PCDHGB4: variants seen among roughly 807,000 people sequenced by gnomAD.
PCDHGB4 encodes the protein protocadherin gamma subfamily B, 4.
In PCDHGB4, 38 loss-of-function variants were observed where a neutral mutation model predicts 60.5. That is an observed-to-expected ratio of 0.63 (90% CI 0.48 to 0.82). PCDHGB4 has a LOEUF of 0.82. Ranked by LOEUF, PCDHGB4 falls within the 40% of genes least tolerant of loss-of-function variation. PCDHGB4 has a pLI of 0.00. For synonymous variants in PCDHGB4, 456 were observed against 509.7 expected (o/e 0.89, Z 1.42); for missense variants, 1,109 against 1,209.6 (o/e 0.92, Z 1.23).
intron 1 of PCDHGB4, chr5:141,427,685 C>T: frequency 1.2e-6 from 1 of 852,116 alleles, no homozygotes; most frequent in Non-Finnish European, 1.9e-6. Context: ...TTCCCGGAGC[C>T]TCCATCCCAC....
At position 141,414,416 on chromosome 5, in the gene PCDHGB4, T is replaced by C. The variant is rs550804810; in HGVS notation, c.2397+24135T>C. The C allele has an allele frequency of 2.2e-5, 35 of 1,613,902 alleles. No homozygotes were observed. In the South Asian group the frequency reaches 3.5e-4, roughly 16 times the overall value. On this transcript the variant is annotated intron_variant, in intron 1 of 3. Coordinates refer to ENST00000519479, the MANE Select transcript of PCDHGB4 (RefSeq NM_003736.4). ...TACAGATTGGTGATACACAGAGCCCTTGACAGGGAACAGGTATCCTCTTAC... is the reference window on the plus strand; with the variant it reads ...TACAGATTGGTGATACACAGAGCCCCTGACAGGGAACAGGTATCCTCTTAC...
At chr5:141,448,999 G>GT (rs910018882) in intron 1 of PCDHGB4, among the ~76,000 whole-genome samples, 19 of 151,698 alleles carry the variant, frequency 1.3e-4, no homozygotes, top group South Asian at 2.1e-4. Flanking sequence ...ATAGAAAGCT[G>GT]TTTTTTTTAA....
In PCDHGB4 at chr5:141,489,261, A is replaced by C; in HGVS notation, c.2398-5546A>C. 6.4e-7 allele frequency: 1 copy of C among 1,551,956 alleles called. No individual in the cohort carries two copies. Among genetic ancestry groups the C allele is most frequent in the East Asian group, 2.2e-5 (1 of 44,450 alleles). Reference sequence around the variant, plus strand: ...GGGTCATGGGGCCCAAGACACTCCCACAGCTCGCTGGGAAATGGCAAGTGC... The same window carrying C: ...GGGTCATGGGGCCCAAGACACTCCCCCAGCTCGCTGGGAAATGGCAAGTGC... On this transcript the variant is annotated intron_variant, in intron 1 of 3. Coordinates refer to ENST00000519479, the MANE Select transcript of PCDHGB4 (RefSeq NM_003736.4). The surrounding 1 kb of genome is among the most constrained non-coding windows in gnomAD (Gnocchi z 4.5).
At chr5:141,404,399 G>T (rs1269569845) in intron 1 of PCDHGB4, 2 of 1,613,778 alleles carry the variant, frequency 1.2e-6, no homozygotes, top group African/African-American at 1.3e-5. Context: ...TGATAGCAAT[G>T]AGAATTCTAG....
At position 141,489,397 on chromosome 5, in the gene PCDHGB4, G is replaced by A. The variant is rs1307106048; in HGVS notation, c.2398-5410G>A. 2.5e-6 allele frequency: 4 copies of A among 1,614,058 alleles called. No homozygotes were observed. The highest frequency in any genetic ancestry group is 2.7e-5 in the African/African-American group (2 of 74,914). ...GGTGGGGAATGTTGCTCAGGATCTG[G>A]GCTTAAAGATGACAGATCTGTTGAG... On this transcript the variant is annotated intron_variant, in intron 1 of 3. Transcript: ENST00000519479. This position sits in a 1 kb window ranked among gnomAD's most constrained non-coding sequence, Gnocchi z 4.5.
chr5:141,436,840 C>T (rs1195342311), intron 1 of PCDHGB4, among the ~76,000 whole-genome samples: 1 of 152,220 alleles, frequency 6.6e-6, no homozygotes, highest in Admixed American at 6.5e-5. Flanking sequence ...TGCCTAGGCA[C>T]ATTCTTGATT....
In PCDHGB4 at chr5:141,512,845, A is replaced by G. The variant is rs1166488780; in HGVS notation, c.*1672A>G. On this transcript the variant is annotated 3_prime_UTR_variant, in exon 4 of 4. Coordinates refer to ENST00000519479, the MANE Select transcript of PCDHGB4 (RefSeq NM_003736.4). ...CTCCCCCGTACTGACTTCTCCTATA[A>G]GCGCTTCTCTTCGCATAGTCACGTA... The G allele has an allele frequency of 6.6e-6, 1 of 152,156 alleles. No individual in the cohort carries two copies. Among genetic ancestry groups the G allele is most frequent in the African/African-American group, 2.4e-5 (1 of 41,380 alleles). 9.4% of individuals were successfully genotyped at this position (152,156 alleles called of 1,614,324 possible).
At chr5:141,443,792 A>G (rs540226154) in intron 1 of PCDHGB4, among the ~76,000 whole-genome samples, 67 of 152,366 alleles carry the variant, frequency 4.4e-4, no homozygotes, top group African/African-American at 1.4e-3. Flanking sequence ...AAAAAAAATG[A>G]AAAGGAAACA....
chr5:141,395,542 T>TTGTTTGTGTGTGTG (rs1267535064), intron 1 of PCDHGB4: 1 of 168,708 alleles, frequency 5.9e-6, no homozygotes, highest in African/African-American at 5.7e-5. Flanking sequence ...TTGCTATTGT[T>TTGTTTGTGTGTGTG]TGTGTGTGTG....
intron 1 of PCDHGB4, among the ~76,000 whole-genome samples, chr5:141,483,164 T>C (rs1051456583): frequency 1.1e-4 from 17 of 152,148 alleles, no homozygotes; most frequent in Non-Finnish European, 2.5e-4. Context: ...AGATCCTGAG[T>C]TACCTTTGGG....
At chr5:141,394,028 G>A (rs758413971) in intron 1 of PCDHGB4, 1 of 1,613,454 alleles carries the variant, frequency 6.2e-7, no homozygotes, top group Admixed American at 1.7e-5. Flanking sequence ...ATAGATTAGT[G>A]ACAAGGAAAT....
chr5:141,462,418 T>A (rs1187388192), intron 1 of PCDHGB4, among the ~76,000 whole-genome samples: 2 of 152,250 alleles, frequency 1.3e-5, no homozygotes, highest in African/African-American at 2.4e-5. Context: ...ATATGGTCTA[T>A]CTTGGTGAGT....
intron 3 of PCDHGB4, among the ~76,000 whole-genome samples, chr5:141,509,068 G>A (rs1267011061): frequency 6.6e-6 from 1 of 152,144 alleles, no homozygotes; most frequent in Non-Finnish European, 1.5e-5. Flanking sequence ...TCTCAGCTCC[G>A]GGGATTTGCG....
rs2099702455 is a variant in PCDHGB4, at chr5:141,490,641, G to C, written c.2398-4166G>C. 6.2e-7 allele frequency: 1 copy of C among 1,614,042 alleles called. No homozygotes were observed. Among genetic ancestry groups the C allele is most frequent in the Admixed American group, 1.7e-5 (1 of 60,004 alleles). On this transcript the variant is annotated intron_variant, in intron 1 of 3. Coordinates refer to ENST00000519479, the MANE Select transcript of PCDHGB4 (RefSeq NM_003736.4). The surrounding 1 kb of genome is among the most constrained non-coding windows in gnomAD (Gnocchi z 5.4). ...ACACTGCTTACATCCTAGAAAACCG[G>C]CCTCCGGGCTCCCTTCTTTGCACTG...
chr5:141,433,199 A>G (rs2097574804), intron 1 of PCDHGB4: 1 of 1,579,570 alleles, frequency 6.3e-7, no homozygotes, highest in Non-Finnish European at 8.6e-7. Context: ...TTTATATCAA[A>G]TCTTCTTTCT....
intron 1 of PCDHGB4, among the ~76,000 whole-genome samples, chr5:141,454,796 A>ATTTTTTTTTTTTTTTTTTTTTT (rs61612330): frequency 5.2e-5 from 4 of 77,456 alleles, no homozygotes; most frequent in Non-Finnish European, 7.0e-5. Context: ...CATGGTTCTA[A>ATTTTTTTTTTTTTTTTTTTTTT]TTTTTTTTTT....
rs781198519 is a variant in PCDHGB4 at position 141,432,162 on chromosome 5, G to A, written c.2397+41881G>A. ...TATATCCCAGAGAACAATCCCAGAG[G>A]AGTTTCCCTCGTCTCTGTGACCGCC... On this transcript the variant is annotated intron_variant, in intron 1 of 3. Coordinates refer to ENST00000519479, the MANE Select transcript of PCDHGB4 (RefSeq NM_003736.4). The surrounding 1 kb of genome is among the most constrained non-coding windows in gnomAD (Gnocchi z 6.0). 1 of 1,614,070 alleles carries A rather than the reference G, an allele frequency of 6.2e-7. No homozygotes were observed. The highest frequency in any genetic ancestry group is 8.5e-7 in the Non-Finnish European group (1 of 1,180,030).
intron 1 of PCDHGB4, among the ~76,000 whole-genome samples, chr5:141,450,006 C>CTATTTT (rs70988802): frequency 0.12 from 16,177 of 132,696 alleles, 1,810 homozygotes; most frequent in African/African-American, 0.21. Flanking sequence ...TGCCATGTCT[C>CTATTTT]TTTTTTTTTT....
chr5:141,422,275 A>G (rs367711513), intron 1 of PCDHGB4: 6 of 1,560,374 alleles, frequency 3.8e-6, no homozygotes, highest in East Asian at 2.2e-5. Flanking sequence ...AGAAATAACT[A>G]TCACCTCTTC....
Sources: gnomAD v4.1 joint callset for allele counts (sites outside exome capture counted in the v4.1 genomes callset) on GRCh38, gnomAD v4.1.1 for gene constraint, Gnocchi (gnomAD v3.1) non-coding constraint, MANE v1.5 for transcripts, NCBI Gene and HGNC (gene_info 2026-07-23, HGNC 2026-07-21) for gene names.